Variants in DRGX observed in about 807,000 individuals in gnomAD.
DRGX encodes dorsal root ganglia homeobox, also known as dorsal root ganglia homeobox protein.
DRGX carries 21 observed loss-of-function variants against 28.6 expected under a neutral mutation model. The observed-to-expected ratio is 0.73, with a 90% CI of 0.52 to 1.06. The LOEUF (loss-of-function observed/expected upper bound fraction) is 1.06, where lower values mean the gene tolerates loss of function less well. DRGX is among the 50% of genes least tolerant of loss of function. The probability of loss-of-function intolerance (pLI) is 0.00; values close to 1 mark genes in which losing one functional copy is unlikely to be tolerated. For missense variants in DRGX, 354 were observed against 343.9 expected, an observed-to-expected ratio of 1.03 and a Z score of -0.23; for synonymous variants, 136 against 139.1, an observed-to-expected ratio of 0.98 and a Z score of 0.16.
intron 6 of DRGX, among the ~76,000 whole-genome samples, chr10:49,379,783 G>C (rs1849754641): frequency 6.6e-6 from 1 of 152,232 alleles, no homozygotes; most frequent in Non-Finnish European, 1.5e-5. Flanking sequence ...CTCATGTCTA[G>C]TGAGTGCCAT....
chr10:49,383,671 C>T (rs80038685), intron 6 of DRGX, among the ~76,000 whole-genome samples: 1 of 152,190 alleles, frequency 6.6e-6, no homozygotes, highest in Non-Finnish European at 1.5e-5. Flanking sequence ...GGTAGGACAT[C>T]GGCCATGAGG....
chr10:49,386,897 A>T, intron 4 of DRGX, 39 bp from the exon 5 acceptor site: 1 of 1,512,298 alleles, frequency 6.6e-7, no homozygotes, highest in East Asian at 2.3e-5. Context: ...GTGAAAATCA[A>T]ACAGGAGGAA....
intron 6 of DRGX, among the ~76,000 whole-genome samples, chr10:49,380,028 G>C (rs902634040): frequency 1.3e-5 from 2 of 152,190 alleles, no homozygotes; most frequent in Non-Finnish European, 1.5e-5. Flanking sequence ...CTCTGGCCTC[G>C]GGCTCTGACT....
intron 6 of DRGX, among the ~76,000 whole-genome samples, chr10:49,377,579 C>A (rs1043582011): frequency 1.2e-4 from 18 of 152,236 alleles, no homozygotes; most frequent in African/African-American, 4.1e-4. Context: ...TGCTTTTATA[C>A]TCTTGGTATC....
At chr10:49,388,819 T>C (rs1849868634) in intron 4 of DRGX, among the ~76,000 whole-genome samples, 1 of 150,216 alleles carries the variant, frequency 6.7e-6, no homozygotes, top group African/African-American at 2.4e-5. Flanking sequence ...TGTAAACACA[T>C]CTCCCTTCCC....
intron 6 of DRGX, among the ~76,000 whole-genome samples, chr10:49,380,853 G>C (rs931096863): frequency 6.6e-6 from 1 of 152,196 alleles, no homozygotes; most frequent in African/African-American, 2.4e-5. Flanking sequence ...GGAGGACTCT[G>C]GTCAACAATA....
intron 2 of DRGX, 78 bp from the exon 3 acceptor site, chr10:49,391,339 C>T: frequency 8.4e-7 from 1 of 1,183,666 alleles, no homozygotes; most frequent in Non-Finnish European, 1.2e-6. Context: ...GTTCAGAGGG[C>T]ACCCACCTGA....
intron 6 of DRGX, among the ~76,000 whole-genome samples, chr10:49,385,159 G>T (rs1849817629): frequency 6.6e-6 from 1 of 152,110 alleles, no homozygotes; most frequent in Non-Finnish European, 1.5e-5. Context: ...GTTGGGGAGT[G>T]GGGGGCTTCT....
rs747943881 is a variant in DRGX, at chr10:49,386,745, G to A, written c.348C>T (p.Asn116=). 6.2e-7 allele frequency: 1 copy of A among 1,608,722 alleles called. No homozygotes were observed. Among genetic ancestry groups the A allele is most frequent in the Non-Finnish European group, 8.5e-7 (1 of 1,177,418 alleles). ...GGTCCCCAGGGGGCGGGGAGTTGATGTTTCTCACTGGAGGAGGTGTCACCT... is the reference window on the plus strand; with the variant it reads ...GGTCCCCAGGGGGCGGGGAGTTGATATTTCTCACTGGAGGAGGTGTCACCT... ...MAEVTPPPVR[N]INSPPPGDQA... The change falls in exon 5 of 7, where the codon AAC becomes AAT. Residue 116 remains asparagine, a synonymous_variant. Coordinates refer to ENST00000374139, the MANE Select transcript of DRGX (RefSeq NM_001276451.2).
At chr10:49,384,245 A>G (rs1238973684) in intron 6 of DRGX, among the ~76,000 whole-genome samples, 1 of 152,216 alleles carries the variant, frequency 6.6e-6, no homozygotes, top group Non-Finnish European at 1.5e-5. Context: ...AACTGGGGGA[A>G]AAAAGACAAC....
At chr10:49,390,424 C>T (rs549406864) in intron 3 of DRGX, among the ~76,000 whole-genome samples, 190 bp from the exon 4 acceptor site, 1 of 152,246 alleles carries the variant, frequency 6.6e-6, no homozygotes, top group South Asian at 2.1e-4. Context: ...GACTTAGGAG[C>T]TACGGCTTAC....
chr10:49,373,364 T>C (rs1210100027), intron 6 of DRGX, among the ~76,000 whole-genome samples: 3 of 152,192 alleles, frequency 2.0e-5, no homozygotes, highest in East Asian at 1.9e-4. Flanking sequence ...CAATAAGTCA[T>C]CAGTAAGTCA....
intron 6 of DRGX, among the ~76,000 whole-genome samples, chr10:49,370,282 G>T (rs1358413219): frequency 6.6e-6 from 1 of 152,180 alleles, no homozygotes; most frequent in East Asian, 1.9e-4. Context: ...GCTTGCACCT[G>T]TAGTCCCAGC....
intron 6 of DRGX, among the ~76,000 whole-genome samples, chr10:49,371,194 A>G (rs1849655388): frequency 3.9e-5 from 6 of 152,212 alleles, no homozygotes; most frequent in Admixed American, 3.9e-4. Flanking sequence ...TGACAGTATC[A>G]ATATGCCGCC....
In DRGX at chr10:49,366,109, T is replaced by A. The variant is rs748838114; in HGVS notation, c.*7A>T. On this transcript the variant is annotated 3_prime_UTR_variant, in exon 7 of 7. Transcript: ENST00000374139. ...GGAGGGCAGGCCGGGCGGGGCACTG[T>A]GGACCCTCATACACTCTTCTCTGCC... 30 of 1,550,296 alleles carry A rather than the reference T, an allele frequency of 1.9e-5. No homozygotes were observed. The highest frequency in any genetic ancestry group is 2.4e-5 in the Non-Finnish European group (28 of 1,143,036).
intron 6 of DRGX, among the ~76,000 whole-genome samples, chr10:49,371,333 C>G (rs1001642218): frequency 6.6e-6 from 1 of 152,140 alleles, no homozygotes; most frequent in South Asian, 2.1e-4. Flanking sequence ...AGACCCAAAG[C>G]TCATGCACTT....
chr10:49,370,535 A>G (rs1205066813), intron 6 of DRGX, among the ~76,000 whole-genome samples: 1 of 152,264 alleles, frequency 6.6e-6, no homozygotes, highest in South Asian at 2.1e-4. Flanking sequence ...GTGGACGCAC[A>G]AACACGGTAA....
At chr10:49,371,138 C>T (rs1403267245) in intron 6 of DRGX, among the ~76,000 whole-genome samples, 1 of 152,160 alleles carries the variant, frequency 6.6e-6, no homozygotes, top group African/African-American at 2.4e-5. Context: ...AAATTATTTC[C>T]ACAAGCAGGA....
chr10:49,390,515 T>C (rs1350822611), intron 3 of DRGX, among the ~76,000 whole-genome samples: 1 of 152,106 alleles, frequency 6.6e-6, no homozygotes, highest in Non-Finnish European at 1.5e-5. Flanking sequence ...AGTATTGTCA[T>C]AGGAATCAAA....
Sources: gnomAD v4.1 joint callset for allele counts (sites outside exome capture counted in the v4.1 genomes callset) on GRCh38, gnomAD v4.1.1 for gene constraint, MANE v1.5 for transcripts, NCBI Gene and HGNC (gene_info 2026-07-23, HGNC 2026-07-21) for gene names.